Variants in ZNF644 observed in about 807,000 individuals in gnomAD.
The protein encoded by ZNF644 is zinc finger motif enhancer binding protein 2.
Under a neutral mutation model 108.0 loss-of-function variants are expected in ZNF644, and 20 were observed. The ratio of observed to expected loss-of-function variants is 0.19; its 90% CI spans 0.13 to 0.27. The LOEUF is 0.27. ZNF644 is among the 10% of genes least tolerant of loss of function. ZNF644 has a pLI of 1.00. For missense variants in ZNF644, 1,338 were observed against 1,548.9 expected, an observed-to-expected ratio of 0.86 and a Z score of 2.29; for synonymous variants, 542 against 539.1, an observed-to-expected ratio of 1.01 and a Z score of -0.08.
At chr1:91,016,305 A>C (rs951834320) in intron 1 of ZNF644, among the ~76,000 whole-genome samples, 7 of 152,342 alleles carry the variant, frequency 4.6e-5, no homozygotes, top group African/African-American at 1.7e-4. Context: ...ATGGATGTAC[A>C]TTCTGAGAGA....
intron 2 of ZNF644, among the ~76,000 whole-genome samples, chr1:90,967,010 CAG>C (rs1204512940): frequency 6.6e-6 from 1 of 152,178 alleles, no homozygotes; most frequent in Non-Finnish European, 1.5e-5. Flanking sequence ...GCACCACAGG[CAG>C]AGTCATCTTT....
At chr1:91,006,902 T>G (rs981133022) in intron 1 of ZNF644, among the ~76,000 whole-genome samples, 2 of 152,166 alleles carry the variant, frequency 1.3e-5, no homozygotes, top group African/African-American at 2.4e-5. Flanking sequence ...ATGTTTCATA[T>G]TTTTAGCCTC....
intron 1 of ZNF644, among the ~76,000 whole-genome samples, chr1:90,997,909 T>TGGCTTGGAGGGTCCCACGCCC (rs1279482141): frequency 1.3e-5 from 2 of 152,212 alleles, no homozygotes; most frequent in African/African-American, 2.4e-5. Flanking sequence ...ATCCCTCGCG[T>TGGCTTGGAGGGTCCCACGCCC]GGCTTGGAGG....
chr1:90,941,506 T>C (rs1651986241), intron 2 of ZNF644, among the ~76,000 whole-genome samples, 197 bp from the exon 3 acceptor site: 1 of 152,168 alleles, frequency 6.6e-6, no homozygotes, highest in African/African-American at 2.4e-5. Flanking sequence ...ATATTGTTCT[T>C]CATGCTAGGC....
chr1:91,004,455 A>G (rs183461715), intron 1 of ZNF644, among the ~76,000 whole-genome samples: 14 of 152,344 alleles, frequency 9.2e-5, no homozygotes, highest in Admixed American at 2.0e-4. Flanking sequence ...ACTATTTTTC[A>G]TAACAGAAGG....
At chr1:91,010,989 T>C (rs912210944) in intron 1 of ZNF644, among the ~76,000 whole-genome samples, 2 of 152,182 alleles carry the variant, frequency 1.3e-5, no homozygotes, top group Admixed American at 6.5e-5. Context: ...TTTTTCTACA[T>C]AGTCAGTTCT....
chr1:90,939,059 T>G lies in ZNF644; in HGVS notation c.2295A>C (p.Glu765Asp). Reference sequence around the variant, plus strand: ...GGTGTAAAGAATTTAATGAACTAGCTTCTTCTTTTTTGAAATGCACAGGAT... The same window carrying G: ...GGTGTAAAGAATTTAATGAACTAGCGTCTTCTTTTTTGAAATGCACAGGAT... ...ESYPVHFKKE[E>D]ASSLNSLHLF... Residue 765 changes from glutamate to aspartate, a missense_variant, in exon 3 of 6, where the codon GAA (glutamate) becomes GAC (aspartate). Physicochemically the swap from Glu to Asp is conservative, Grantham distance 45. This residue lies in a region of ZNF644 where 462 missense variants were observed against 472.6 expected (regional missense o/e 0.98). Coordinates refer to ENST00000337393, the MANE Select transcript of ZNF644 (RefSeq NM_201269.3). 6.2e-7 allele frequency: 1 copy of G among 1,613,806 alleles called. No individual in the cohort carries two copies. The highest frequency in any genetic ancestry group is 8.5e-7 in the Non-Finnish European group (1 of 1,179,810).
intron 2 of ZNF644, chr1:90,972,749 T>TTACA (rs942342511): frequency 4.6e-5 from 7 of 152,204 alleles, no homozygotes; most frequent in African/African-American, 7.2e-5. Context: ...ACAACATGTG[T>TTACA]TACATACATA....
chr1:91,014,118 A>T (rs1570589119), intron 1 of ZNF644, among the ~76,000 whole-genome samples: 1 of 152,324 alleles, frequency 6.6e-6, no homozygotes, highest in South Asian at 2.1e-4. Context: ...TTTGAAATAC[A>T]TATAAATTAT....
intron 1 of ZNF644, among the ~76,000 whole-genome samples, chr1:91,010,748 C>CAT (rs200080975): frequency 0.014 from 1,931 of 138,828 alleles, 39 homozygotes; most frequent in African/African-American, 0.046. Context: ...GAGTAGAAGC[C>CAT]ATATCTGTGC....
chr1:90,945,275 C>T (rs1477236956), intron 2 of ZNF644, among the ~76,000 whole-genome samples: 2 of 151,902 alleles, frequency 1.3e-5, no homozygotes, highest in African/African-American at 2.4e-5. Flanking sequence ...ATCATATAAC[C>T]ATAGAATTTT....
chr1:91,001,946 A>T (rs1296134279), intron 1 of ZNF644, among the ~76,000 whole-genome samples: 4 of 152,204 alleles, frequency 2.6e-5, no homozygotes, highest in Non-Finnish European at 5.9e-5. Flanking sequence ...AAAGAGAATA[A>T]AATACCTAGG....
At chr1:90,996,001 A>C (rs1658110793) in intron 1 of ZNF644, among the ~76,000 whole-genome samples, 2 of 152,326 alleles carry the variant, frequency 1.3e-5, no homozygotes, top group South Asian at 4.1e-4. Flanking sequence ...TTGTTACAGT[A>C]GCCCAAACTA....
In ZNF644 at chr1:90,940,450, G is replaced by A. The variant is rs150603093; in HGVS notation, c.904C>T (p.Arg302Cys). 4.6e-5 allele frequency: 75 copies of A among 1,613,290 alleles called. No homozygotes were observed. Among genetic ancestry groups the A allele is most frequent in the Non-Finnish European group, 6.0e-5 (71 of 1,179,876 alleles). Residue 302 changes from arginine (R) to cysteine (C), a missense_variant, in exon 3 of 6, where the codon CGT (arginine) becomes TGT (cysteine). Physicochemically the swap from Arg to Cys is radical, Grantham distance 180. This residue lies in a region of ZNF644 where 464 missense variants were observed against 457.9 expected (regional missense o/e 1.01). Coordinates refer to ENST00000337393, the MANE Select transcript of ZNF644 (RefSeq NM_201269.3). ...KRKMDVSKIT[R>C]YTEDCFSDSN... ...TCACTAAAGCAATCCTCGGTATAAC[G>A]AGTTATCTTGCTTACATCCATTTTT...
intron 1 of ZNF644, among the ~76,000 whole-genome samples, chr1:91,019,362 G>A (rs1660692382): frequency 6.6e-6 from 1 of 152,110 alleles, no homozygotes; most frequent in Admixed American, 6.5e-5. Flanking sequence ...GGCAATAACA[G>A]CAGTTATTTC....
At chr1:90,936,755 C>T (rs1651360608) in intron 4 of ZNF644, among the ~76,000 whole-genome samples, 1 of 152,156 alleles carries the variant, frequency 6.6e-6, no homozygotes, top group Admixed American at 6.5e-5. Context: ...AGTTTGGCTA[C>T]TTTATCTGCC....
intron 1 of ZNF644, among the ~76,000 whole-genome samples, chr1:91,015,211 C>T (rs145054750): frequency 3.3e-5 from 5 of 152,120 alleles, no homozygotes; most frequent in African/African-American, 1.2e-4. Context: ...GCTTAAAATC[C>T]GTGTTTGTGC....
chr1:90,918,899 T>C (rs1231610519), intron 4 of ZNF644, among the ~76,000 whole-genome samples: 1 of 152,118 alleles, frequency 6.6e-6, no homozygotes, highest in Non-Finnish European at 1.5e-5. Context: ...TTGGATCTGA[T>C]GTTTAATGCT....
At chr1:90,959,876 A>C (rs1654152932) in intron 2 of ZNF644, among the ~76,000 whole-genome samples, 1 of 152,202 alleles carries the variant, frequency 6.6e-6, no homozygotes, top group Admixed American at 6.5e-5. Flanking sequence ...AGTCAACCAC[A>C]GTCCAAAAAT....
Sources: gnomAD v4.1 joint callset for allele counts (sites outside exome capture counted in the v4.1 genomes callset) on GRCh38, gnomAD v4.1.1 for gene constraint, gnomAD v4.1.1 regional missense constraint, MANE v1.5 for transcripts, NCBI Gene and HGNC (gene_info 2026-07-23, HGNC 2026-07-21) for gene names.